PPP2R2A: variants seen among roughly 807,000 people sequenced by gnomAD.
The protein encoded by PPP2R2A is protein phosphatase 2 regulatory subunit Balpha.
A neutral mutation model predicts 53.2 loss-of-function variants in PPP2R2A; 9 were observed. The observed-to-expected ratio is 0.17, with a 90% CI of 0.10 to 0.30. The LOEUF (loss-of-function observed/expected upper bound fraction) is 0.30. Ranked by LOEUF, PPP2R2A falls within the 10% of genes least tolerant of loss-of-function variation. The pLI, the probability that PPP2R2A is intolerant of heterozygous loss-of-function variation, is 1.00. For missense variants in PPP2R2A, 235 were observed against 534.6 expected (o/e 0.44, Z 5.53); for synonymous variants, 169 against 174.2 (o/e 0.97, Z 0.23).
chr8:26,347,236 C>T (rs984666457), intron 3 of PPP2R2A, among the ~76,000 whole-genome samples: 1 of 150,524 alleles, frequency 6.6e-6, no homozygotes, highest in African/African-American at 2.5e-5. Context: ...AGAGAGAAAC[C>T]AACTCCTTAA....
intron 3 of PPP2R2A, among the ~76,000 whole-genome samples, chr8:26,349,258 A>G (rs1804373363): frequency 6.6e-6 from 1 of 150,948 alleles, no homozygotes; most frequent in Non-Finnish European, 1.5e-5. Flanking sequence ...TTTGTTGGGG[A>G]TTTTTGTTTT....
intron 2 of PPP2R2A, among the ~76,000 whole-genome samples, chr8:26,323,700 A>G (rs1023609998): frequency 1.4e-4 from 22 of 152,224 alleles, no homozygotes; most frequent in Admixed American, 1.1e-3. Flanking sequence ...AGGAGCTTCT[A>G]TCCCCGTGGA....
intron 2 of PPP2R2A, among the ~76,000 whole-genome samples, chr8:26,335,291 G>C (rs1803597108): frequency 6.6e-6 from 1 of 152,120 alleles, no homozygotes; most frequent in Non-Finnish European, 1.5e-5. Flanking sequence ...TCACAACTTA[G>C]AAGAGCTTTC....
At chr8:26,326,935 CT>C (rs1466790922) in intron 2 of PPP2R2A, among the ~76,000 whole-genome samples, 2 of 152,168 alleles carry the variant, frequency 1.3e-5, no homozygotes, top group Non-Finnish European at 2.9e-5. Context: ...AGCTGTTTAT[CT>C]TTCTGTTCTT....
At chr8:26,308,252 C>T (rs57281374) in intron 2 of PPP2R2A, among the ~76,000 whole-genome samples, 19,602 of 152,138 alleles carry the variant, frequency 0.13, 1,411 homozygotes, top group African/African-American at 0.19. Context: ...TGGTGTTTGC[C>T]GAAGGTTGGA....
At chr8:26,295,911 C>T (rs1801521372) in intron 2 of PPP2R2A, among the ~76,000 whole-genome samples, 1 of 152,060 alleles carries the variant, frequency 6.6e-6, no homozygotes, top group South Asian at 2.1e-4. Flanking sequence ...ACACATTCCC[C>T]ACCCCCCTAC....
rs994734345 is a variant in PPP2R2A at position 26,338,357 on chromosome 8, C to T, written c.83-533C>T. ...CCGTGCACATTGAAGGCACATAGCA[C>T]GAAGCATTTCTGCTATAAAAAAGCG... On this transcript the variant is annotated intron_variant, in intron 2 of 9. Transcript: ENST00000380737. This position sits in a 1 kb window ranked among gnomAD's most constrained non-coding sequence, Gnocchi z 4.5. Among the ~76,000 whole-genome samples the T allele has an allele frequency of 9.9e-5, 15 of 152,124 alleles. No individual in the cohort carries two copies. Among genetic ancestry groups the T allele is most frequent in the African/African-American group, 3.1e-4 (13 of 41,418 alleles).
At chr8:26,327,576 TAGC>T (rs1364054821) in intron 2 of PPP2R2A, among the ~76,000 whole-genome samples, 4 of 152,110 alleles carry the variant, frequency 2.6e-5, no homozygotes, top group African/African-American at 4.8e-5. Flanking sequence ...TTGGGAAAAA[TAGC>T]AAGAACTTCG....
At chr8:26,348,414 CAT>C (rs2117360206) in intron 3 of PPP2R2A, among the ~76,000 whole-genome samples, 1 of 152,276 alleles carries the variant, frequency 6.6e-6, no homozygotes, top group South Asian at 2.1e-4. Flanking sequence ...CCCCTGGCCT[CAT>C]GTGATGGGTC....
chr8:26,298,018 G>C (rs1437140018), intron 2 of PPP2R2A, among the ~76,000 whole-genome samples: 2 of 152,086 alleles, frequency 1.3e-5, no homozygotes, highest in Non-Finnish European at 2.9e-5. Flanking sequence ...TGAAGTAAAA[G>C]GAAAAAAACA....
chr8:26,372,506 G>T lies in PPP2R2A; in HGVS notation c.*2093G>T, dbSNP rs910641235. The T allele has an allele frequency of 6.6e-6, 1 of 152,054 alleles. No homozygotes were observed. The highest frequency in any genetic ancestry group is 2.4e-5 in the African/African-American group (1 of 41,398). The allele number at this position is 152,054 out of a possible 1,614,324, so 9.4% of individuals were successfully genotyped here. On this transcript the variant is annotated 3_prime_UTR_variant, in exon 10 of 10. Coordinates refer to ENST00000380737, the MANE Select transcript of PPP2R2A (RefSeq NM_002717.4). Reference sequence around the variant, plus strand: ...TAAGGATTAGTTTATATATTTAAGAGAAATAATTGCTAAAATTAAAATGCC... The same window carrying T: ...TAAGGATTAGTTTATATATTTAAGATAAATAATTGCTAAAATTAAAATGCC...
At position 26,300,946 on chromosome 8, in the gene PPP2R2A, C is replaced by CTTGAGTACCTACATTTT. The variant is rs1185721202; in HGVS notation, c.82+7213_82+7229dup. On this transcript the variant is annotated intron_variant, in intron 2 of 9. Coordinates refer to ENST00000380737, the MANE Select transcript of PPP2R2A (RefSeq NM_002717.4). ...TGTAAGGAAGGCATGGCATGGCCATCTTGAGTACCTACATTTTTTGAGTGC... is the reference window on the plus strand; with the variant it reads ...TGTAAGGAAGGCATGGCATGGCCATCTTGAGTACCTACATTTTTTGAGTACCTACATTTTTTGAGTGC... Among the ~76,000 whole-genome samples the CTTGAGTACCTACATTTT allele has an allele frequency of 5.3e-5, 8 of 152,224 alleles. 1 individual carries two copies. The highest frequency in any genetic ancestry group is 1.0e-4 in the Non-Finnish European group (7 of 68,044).
intron 2 of PPP2R2A, among the ~76,000 whole-genome samples, chr8:26,331,316 C>A (rs1803365653): frequency 6.6e-6 from 1 of 152,138 alleles, no homozygotes; most frequent in African/African-American, 2.4e-5. Context: ...ATTCAGTTTT[C>A]TAATCTTTCA....
At position 26,360,121 on chromosome 8, in the gene PPP2R2A, GTTTTTC is replaced by G. The variant is rs1222210496; in HGVS notation, c.347-45_347-40del. ...TAGCATATTTTAAATGCCTTAAAAT[GTTTTTC>G]TTCTTCAGTATTTTAAGGACTTTTC... On this transcript the variant is annotated intron_variant, in intron 4 of 9. Coordinates refer to ENST00000380737, the MANE Select transcript of PPP2R2A (RefSeq NM_002717.4). The surrounding 1 kb of genome is among the most constrained non-coding windows in gnomAD (Gnocchi z 4.5). 1.0e-6 allele frequency: 1 copy of G among 1,003,568 alleles called. No individual in the cohort carries two copies. The highest frequency in any genetic ancestry group is 1.7e-5 in the African/African-American group (1 of 60,482). The allele number at this position is 1,003,568 out of a possible 1,614,324, so 62.2% of individuals were successfully genotyped here.
At chr8:26,331,142 T>G (rs912314837) in intron 2 of PPP2R2A, among the ~76,000 whole-genome samples, 2 of 152,190 alleles carry the variant, frequency 1.3e-5, no homozygotes, top group Non-Finnish European at 2.9e-5. Context: ...TTGTAGCTGC[T>G]TTAACCTCTG....
chr8:26,364,957 G>A (rs1805290536), intron 8 of PPP2R2A: 1 of 152,066 alleles, frequency 6.6e-6, no homozygotes, highest in African/African-American at 2.4e-5. Flanking sequence ...CCCATCCCTC[G>A]TGTATACTGA....
chr8:26,336,674 C>T (rs183064256), intron 2 of PPP2R2A, among the ~76,000 whole-genome samples: 2 of 152,046 alleles, frequency 1.3e-5, no homozygotes, highest in African/African-American at 2.4e-5. Context: ...ACCACAAGCT[C>T]GAGACTACCT....
chr8:26,358,385 C>T (rs1177514452), intron 4 of PPP2R2A, among the ~76,000 whole-genome samples: 1 of 152,136 alleles, frequency 6.6e-6, no homozygotes, highest in African/African-American at 2.4e-5. Flanking sequence ...AGGCTCATAT[C>T]TATCTATAAA....
At position 26,354,658 on chromosome 8, in the gene PPP2R2A, T is replaced by C. The variant is rs377104704; in HGVS notation, c.346+25T>C. 4.5e-6 allele frequency: 7 copies of C among 1,541,138 alleles called. No homozygotes were observed. The highest frequency in any genetic ancestry group is 2.3e-5 in the East Asian group (1 of 43,874). On this transcript the variant is annotated intron_variant, in intron 4 of 9. Coordinates refer to ENST00000380737, the MANE Select transcript of PPP2R2A (RefSeq NM_002717.4). The surrounding 1 kb of genome is among the most constrained non-coding windows in gnomAD (Gnocchi z 4.6). ...GGTAAGTATACATATTTTCTTTCCA[T>C]GTGCCCACTGTGTGTACCTGTTGCA...
Sources: gnomAD v4.1 joint callset for allele counts (sites outside exome capture counted in the v4.1 genomes callset) on GRCh38, gnomAD v4.1.1 for gene constraint, Gnocchi (gnomAD v3.1) non-coding constraint, MANE v1.5 for transcripts, NCBI Gene and HGNC (gene_info 2026-07-23, HGNC 2026-07-21) for gene names.